Variants in ELAVL1 observed in about 807,000 individuals in gnomAD.
ELAVL1 encodes the protein ELAV like RNA binding protein 1.
In ELAVL1, 1 loss-of-function variant was observed where a neutral mutation model predicts 28.4. The observed-to-expected ratio is 0.04, with a 90% CI of 0.01 to 0.17. ELAVL1 has a LOEUF of 0.17. Ranked by LOEUF, ELAVL1 falls within the 10% of genes least tolerant of loss-of-function variation. The probability of loss-of-function intolerance (pLI) is 1.00; values close to 1 mark genes in which losing one functional copy is unlikely to be tolerated. For missense variants in ELAVL1, 157 were observed against 447.2 expected (o/e 0.35, Z 5.85); for synonymous variants, 174 against 183.5 (o/e 0.95, Z 0.42).
At chr19:7,986,988 A>T (rs1985619653) in intron 2 of ELAVL1, among the ~76,000 whole-genome samples, 1 of 151,778 alleles carries the variant, frequency 6.6e-6, no homozygotes, top group African/African-American at 2.4e-5. Flanking sequence ...TTTTTCTGTG[A>T]GGAGCAAACA....
chr19:7,959,353 C>CGT lies in ELAVL1; in HGVS notation c.*4129_*4130insAC, dbSNP rs1299339249. Reference sequence around the variant, plus strand: ...ACAAAAGGTCTAACCATCTACTGTACAACATGGGAATCGGTTAAGAGAGCC... The same window carrying CGT: ...ACAAAAGGTCTAACCATCTACTGTACGTAACATGGGAATCGGTTAAGAGAGCC... On this transcript the variant is annotated 3_prime_UTR_variant, in exon 6 of 6. Transcript: ENST00000407627. 2 of 152,556 alleles carry CGT rather than the reference C, an allele frequency of 1.3e-5. No individual in the cohort carries two copies. Among genetic ancestry groups the CGT allele is most frequent in the African/African-American group, 4.8e-5 (2 of 41,404 alleles). 9.5% of individuals were successfully genotyped at this position (152,556 alleles called of 1,614,324 possible).
chr19:7,963,028 C>T lies in ELAVL1; in HGVS notation c.*455G>A, dbSNP rs192158618. ...ACTTCCTGTCAACCAAAGCATACAT[C>T]GCTTACAATGTTGAAGCGGTTGAGA... is the stretch of plus-strand genomic sequence containing the variant. On this transcript the variant is annotated 3_prime_UTR_variant, in exon 6 of 6. Transcript: ENST00000407627. The surrounding 1 kb of genome is among the most constrained non-coding windows in gnomAD (Gnocchi z 4.5). 3.8e-5 allele frequency: 6 copies of T among 159,306 alleles called. No homozygotes were observed. The highest frequency in any genetic ancestry group is 1.8e-4 in the East Asian group (1 of 5,414). 9.9% of individuals were successfully genotyped at this position (159,306 alleles called of 1,614,324 possible). A position where few individuals can be genotyped will look rare whatever the true frequency, so the allele number is the denominator to read the frequency against.
Position 7,981,824 on chromosome 19 carries a change from G to T in ELAVL1, c.173-638C>A, listed in dbSNP as rs946473575. On this transcript the variant is annotated intron_variant, in intron 2 of 5. Transcript: ENST00000407627. This position sits in a 1 kb window ranked among gnomAD's most constrained non-coding sequence, Gnocchi z 4.2. ...GGCCTGGGTGGTGAGGATGAGGAAG[G>T]CCACGGCAGTGGACAGGCTGGTGGG... 1.3e-5 allele frequency among the ~76,000 whole-genome samples: 2 copies of T among 151,672 alleles called. No homozygotes were observed. The highest frequency in any genetic ancestry group is 4.8e-5 in the African/African-American group (2 of 41,296).
intron 3 of ELAVL1, among the ~76,000 whole-genome samples, chr19:7,978,603 T>C (rs1170989015): frequency 1.3e-5 from 2 of 152,154 alleles, no homozygotes; most frequent in Non-Finnish European, 2.9e-5. Context: ...GCTCTTCATT[T>C]GGCAGGCCCT....
rs111389734 is a variant in ELAVL1 at position 7,981,410 on chromosome 19, T to C, written c.173-224A>G. Among the ~76,000 whole-genome samples, 2,385 of 149,862 alleles carry C rather than the reference T, an allele frequency of 0.016. 39 individuals are homozygous for C. Among genetic ancestry groups the C allele is most frequent in the Middle Eastern group, 0.034 (10 of 290 alleles). ...TCTTGCTCTGTCACCCAGGGTGGAG[T>C]CCAGCGCTGTGATCACAGCTCACCG... On this transcript the variant is annotated intron_variant, in intron 2 of 5. Transcript: ENST00000407627. This position sits in a 1 kb window ranked among gnomAD's most constrained non-coding sequence, Gnocchi z 4.2.
intron 3 of ELAVL1, among the ~76,000 whole-genome samples, chr19:7,978,165 T>C (rs890564056): frequency 6.6e-6 from 1 of 152,242 alleles, no homozygotes; most frequent in East Asian, 1.9e-4. Context: ...CTAGCCCGTA[T>C]TGTCATAAAG....
In ELAVL1 at chr19:7,958,943, T is replaced by A. The variant is rs962084125; in HGVS notation, c.*4540A>T. 3.3e-5 allele frequency: 5 copies of A among 153,608 alleles called. No homozygotes were observed. Among genetic ancestry groups the A allele is most frequent in the African/African-American group, 1.2e-4 (5 of 41,440 alleles). 9.5% of individuals were successfully genotyped at this position (153,608 alleles called of 1,614,324 possible). A position where few individuals can be genotyped will look rare whatever the true frequency, so the allele number is the denominator to read the frequency against. On this transcript the variant is annotated 3_prime_UTR_variant, in exon 6 of 6. Transcript: ENST00000407627. ...AAAATATTCACACTTCACTAAAATT[T>A]TGAAAAATGGTCTTCTTTCAAAGCT...
chr19:7,999,756 C>T (rs573538936), intron 1 of ELAVL1, among the ~76,000 whole-genome samples: 3 of 152,124 alleles, frequency 2.0e-5, no homozygotes, highest in South Asian at 4.1e-4. Context: ...CTACTAAGTC[C>T]TCTATGTAGT....
chr19:7,989,681 T>C (rs1304626079), intron 2 of ELAVL1, among the ~76,000 whole-genome samples: 1 of 152,228 alleles, frequency 6.6e-6, no homozygotes, highest in Non-Finnish European at 1.5e-5. Flanking sequence ...AAAACCCTTC[T>C]CTTATTTAGG....
In ELAVL1 at chr19:7,963,340, A is replaced by T; in HGVS notation, c.*143T>A. On this transcript the variant is annotated 3_prime_UTR_variant, in exon 6 of 6. Transcript: ENST00000407627. This position sits in a 1 kb window ranked among gnomAD's most constrained non-coding sequence, Gnocchi z 4.5. ...TTTGAACATGTCGGTTGCATCCCAG[A>T]GTATAAAAACCTTCTCACTTCTCAT... The T allele has an allele frequency of 1.1e-6, 1 of 929,800 alleles. No homozygotes were observed. Among genetic ancestry groups the T allele is most frequent in the Non-Finnish European group, 1.6e-6 (1 of 630,042 alleles). 57.6% of individuals were successfully genotyped at this position (929,800 alleles called of 1,614,324 possible). A position where few individuals can be genotyped will look rare whatever the true frequency, so the allele number is the denominator to read the frequency against.
intron 1 of ELAVL1, among the ~76,000 whole-genome samples, chr19:8,002,650 G>A (rs1016582829): frequency 1.3e-5 from 2 of 152,260 alleles, no homozygotes; most frequent in African/African-American, 2.4e-5. Flanking sequence ...CACTAAGGAG[G>A]GAACAGTTGA....
intron 1 of ELAVL1, 75 bp from the exon 2 acceptor site, chr19:7,991,906 T>A: frequency 1.7e-6 from 2 of 1,185,830 alleles, no homozygotes; most frequent in Non-Finnish European, 2.3e-6. Context: ...AGTAACTGCA[T>A]TTGCACTTAG....
At chr19:7,971,844 G>C (rs1985121123) in intron 4 of ELAVL1, among the ~76,000 whole-genome samples, 1 of 152,226 alleles carries the variant, frequency 6.6e-6, no homozygotes. Context: ...CGGAAAGGAG[G>C]AGGAAGAGAG....
At chr19:7,968,817 T>C (rs943159994) in intron 4 of ELAVL1, among the ~76,000 whole-genome samples, 23 of 152,092 alleles carry the variant, frequency 1.5e-4, no homozygotes, top group Admixed American at 2.6e-4. Context: ...GAGGGAAACA[T>C]GAGTAGCCCG....
chr19:7,983,042 G>A (rs796943072), intron 2 of ELAVL1, among the ~76,000 whole-genome samples: 14 of 152,296 alleles, frequency 9.2e-5, no homozygotes, highest in African/African-American at 2.6e-4. Context: ...TGCCCTCCGC[G>A]GAAGGAAGTC....
chr19:7,991,855 A>T, intron 1 of ELAVL1, 24 bp from the exon 2 acceptor site: 1 of 1,569,602 alleles, frequency 6.4e-7, no homozygotes, highest in Non-Finnish European at 8.7e-7. Context: ...AAGAGCAAGT[A>T]AATTCAAAAT....
At chr19:7,998,038 T>C (rs2081055374) in intron 1 of ELAVL1, among the ~76,000 whole-genome samples, 2 of 152,162 alleles carry the variant, frequency 1.3e-5, no homozygotes, top group Non-Finnish European at 2.9e-5. Context: ...CTCCTGACAC[T>C]CTGAGTCAAG....
chr19:7,981,290 A>G lies in ELAVL1; in HGVS notation c.173-104T>C. ...TGCCTGGCCTTTGGGAAATGGGATT[A>G]CAGGTGCTAGCAAACTTTATTTTCT... On this transcript the variant is annotated intron_variant, in intron 2 of 5. Coordinates refer to ENST00000407627, the MANE Select transcript of ELAVL1 (RefSeq NM_001419.3). The surrounding 1 kb of genome is among the most constrained non-coding windows in gnomAD (Gnocchi z 4.2). 1 of 1,036,640 alleles carries G rather than the reference A, an allele frequency of 9.6e-7. No homozygotes were observed. The highest frequency in any genetic ancestry group is 1.8e-5 in the Admixed American group (1 of 54,300). 64.2% of individuals were successfully genotyped at this position (1,036,640 alleles called of 1,614,324 possible).
At chr19:7,986,407 A>C (rs1985603134) in intron 2 of ELAVL1, among the ~76,000 whole-genome samples, 1 of 152,266 alleles carries the variant, frequency 6.6e-6, no homozygotes, top group South Asian at 2.1e-4. Context: ...AAAGTAGTAC[A>C]AACAACCACT....
Sources: gnomAD v4.1 joint callset for allele counts (sites outside exome capture counted in the v4.1 genomes callset) on GRCh38, gnomAD v4.1.1 for gene constraint, Gnocchi (gnomAD v3.1) non-coding constraint, MANE v1.5 for transcripts, NCBI Gene and HGNC (gene_info 2026-07-23, HGNC 2026-07-21) for gene names.